The following MATCAP2 variants were observed in gnomAD, a reference collection of about 807,000 sequenced individuals.
The protein encoded by MATCAP2 is putative tyrosine carboxypeptidase MATCAP2.
At chr7:36,339,429 T>C in the MATCAP2 span, among the ~76,000 whole-genome samples, 1 of 152,236 alleles carries the variant, frequency 6.6e-6, no homozygotes, top group Admixed American at 6.5e-5. Context: ...GCATGGGAAC[T>C]GGTGCCAAAT....
At chr7:36,354,784 C>A in the MATCAP2 span, among the ~76,000 whole-genome samples, 1 of 152,164 alleles carries the variant, frequency 6.6e-6, no homozygotes, top group Admixed American at 6.5e-5. Context: ...TACAAGTCAG[C>A]TAAGATTGCT....
the MATCAP2 span, among the ~76,000 whole-genome samples, chr7:36,346,561 G>T: frequency 6.6e-6 from 1 of 152,160 alleles, no homozygotes; most frequent in Non-Finnish European, 1.5e-5. Context: ...CATTCATATC[G>T]AAAGTCCAGA....
chr7:36,389,260 A>C, the MATCAP2 span, among the ~76,000 whole-genome samples: 1 of 152,018 alleles, frequency 6.6e-6, no homozygotes, highest in Non-Finnish European at 1.5e-5. Context: ...ACGGGGTTTC[A>C]CCATGTTGGC....
the MATCAP2 span, among the ~76,000 whole-genome samples, chr7:36,343,657 G>T: frequency 6.7e-6 from 1 of 148,870 alleles, no homozygotes; most frequent in Non-Finnish European, 1.5e-5. Flanking sequence ...AAAAGAGAAG[G>T]AAGGAAAGAA....
At chr7:36,351,850 G>A in the MATCAP2 span, among the ~76,000 whole-genome samples, 1 of 151,388 alleles carries the variant, frequency 6.6e-6, no homozygotes, top group African/African-American at 2.4e-5. Flanking sequence ...CGGGGCTGAG[G>A]TGGGAGGATT....
the MATCAP2 span, among the ~76,000 whole-genome samples, chr7:36,334,638 G>A: frequency 5.9e-5 from 9 of 151,838 alleles, no homozygotes; most frequent in African/African-American, 2.2e-4. Context: ...ACATCTCTTG[G>A]GTGTGAAGGA....
chr7:36,351,473 T>A, the MATCAP2 span, among the ~76,000 whole-genome samples: 74,156 of 152,018 alleles, frequency 0.49, 18,410 homozygotes, highest in Non-Finnish European at 0.52. Context: ...GTGTGCTGTG[T>A]TGCTCTGGTG....
chr7:36,379,299 C>T, the MATCAP2 span, among the ~76,000 whole-genome samples: 43 of 152,222 alleles, frequency 2.8e-4, no homozygotes, highest in African/African-American at 9.6e-4. Flanking sequence ...GGGGAGTGTA[C>T]GAAGGCAGAC....
the MATCAP2 span, among the ~76,000 whole-genome samples, chr7:36,387,715 A>G: frequency 6.6e-6 from 1 of 152,158 alleles, no homozygotes; most frequent in Admixed American, 6.5e-5. Context: ...AGATACACTA[A>G]ATGTTGTGAG....
the MATCAP2 span, chr7:36,337,658 A>G: frequency 5.3e-5 from 8 of 152,134 alleles, no homozygotes; most frequent in East Asian, 1.5e-3. Context: ...TATTATTATT[A>G]TTATTATTAT....
chr7:36,326,629 G>A, the MATCAP2 span: 1 of 741,648 alleles, frequency 1.3e-6, no homozygotes, highest in Non-Finnish European at 2.1e-6. Flanking sequence ...AAATTCCGCT[G>A]AATACTGAAG....
the MATCAP2 span, chr7:36,356,264 C>CA: frequency 1.3e-5 from 2 of 154,280 alleles, no homozygotes; most frequent in African/African-American, 4.8e-5. Flanking sequence ...CCTGCAACCT[C>CA]AACACTTTGG....
chr7:36,343,721 T>G, the MATCAP2 span, among the ~76,000 whole-genome samples: 2 of 149,438 alleles, frequency 1.3e-5, no homozygotes, highest in Non-Finnish European at 3.0e-5. Context: ...GGAAAGAAAA[T>G]AAAATGTTTA....
At chr7:36,353,194 G>A in the MATCAP2 span, among the ~76,000 whole-genome samples, 4 of 152,088 alleles carry the variant, frequency 2.6e-5, no homozygotes, top group South Asian at 2.1e-4. Context: ...TGGGAGGATC[G>A]CTTGTGCCCA....
the MATCAP2 span, among the ~76,000 whole-genome samples, chr7:36,342,625 A>AT: frequency 1.3e-5 from 2 of 151,860 alleles, no homozygotes; most frequent in South Asian, 2.1e-4. Context: ...CAGATGAGTA[A>AT]TTTTTTTGTT....
chr7:36,367,130 C>G, the MATCAP2 span: 1 of 1,225,278 alleles, frequency 8.2e-7, no homozygotes, highest in Non-Finnish European at 1.0e-6. Flanking sequence ...CTGTGAGCAG[C>G]GCTTCCACCA....
the MATCAP2 span, among the ~76,000 whole-genome samples, chr7:36,337,119 A>AAAAAAAAAAAAAAAAAAAAAAAAC: frequency 6.8e-6 from 1 of 147,150 alleles, no homozygotes; most frequent in Non-Finnish European, 1.5e-5. Context: ...AAAAAAAAAA[A>AAAAAAAAAAAAAAAAAAAAAAAAC]AAAAAAGCAA....
chr7:36,325,251 T>C, the MATCAP2 span: 5 of 152,218 alleles, frequency 3.3e-5, no homozygotes, highest in African/African-American at 1.2e-4. Flanking sequence ...GGCACGTAGT[T>C]GGGGAGCAGG....
At chr7:36,348,007 C>T in the MATCAP2 span, among the ~76,000 whole-genome samples, 2 of 152,158 alleles carry the variant, frequency 1.3e-5, no homozygotes, top group African/African-American at 2.4e-5. Context: ...AAAGACTCCT[C>T]TAAGCTTTTA....
Sources: allele counts gnomAD v4.1 joint callset (sites outside exome capture counted in the v4.1 genomes callset), GRCh38; gene constraint gnomAD v4.1.1; transcripts MANE v1.5; gene names NCBI Gene and HGNC (gene_info 2026-07-23, HGNC 2026-07-21).